Variants in AKR1C8 observed in about 807,000 individuals in gnomAD.
AKR1C8 encodes the protein aldo-keto reductase family 1 member C-like protein 1.
At chr10:5,158,840 C>A in the AKR1C8 span, 7 of 383,200 alleles carry the variant, frequency 1.8e-5, no homozygotes, top group Admixed American at 3.9e-5. Context: ...TGGCCCTTTT[C>A]CCCATGCACC....
chr10:5,168,031 A>T, the AKR1C8 span, among the ~76,000 whole-genome samples: 2 of 152,112 alleles, frequency 1.3e-5, no homozygotes, highest in Non-Finnish European at 2.9e-5. Context: ...GATTAAAAAA[A>T]AAGACTTATA....
the AKR1C8 span, among the ~76,000 whole-genome samples, chr10:5,173,527 A>G: frequency 6.6e-6 from 1 of 152,030 alleles, no homozygotes; most frequent in Non-Finnish European, 1.5e-5. Context: ...TCATCCAAGA[A>G]GAAACTAGAA....
At chr10:5,161,712 G>C in the AKR1C8 span, 1 of 534,154 alleles carries the variant, frequency 1.9e-6, no homozygotes, top group Non-Finnish European at 3.8e-6. Context: ...AGATACTCAC[G>C]AAAGTTTTGG....
At chr10:5,174,814 TAAATA>T in the AKR1C8 span, among the ~76,000 whole-genome samples, 16 of 151,944 alleles carry the variant, frequency 1.1e-4, no homozygotes, top group African/African-American at 1.9e-4. Context: ...AAGACTGTCT[TAAATA>T]AAATAAAATA....
chr10:5,173,620 G>T, the AKR1C8 span, among the ~76,000 whole-genome samples: 1 of 148,896 alleles, frequency 6.7e-6, no homozygotes, highest in Non-Finnish European at 1.5e-5. Context: ...CTAGAAAACC[G>T]AAAAGCCAGA....
chr10:5,159,158 G>A, the AKR1C8 span, among the ~76,000 whole-genome samples: 1 of 152,126 alleles, frequency 6.6e-6, no homozygotes, highest in South Asian at 2.1e-4. Context: ...TCAAAATATG[G>A]AAACTTGAGC....
the AKR1C8 span, among the ~76,000 whole-genome samples, chr10:5,146,313 A>G: frequency 2.0e-5 from 3 of 152,002 alleles, no homozygotes; most frequent in East Asian, 1.9e-4. Context: ...TAACCTGCAC[A>G]ATGTGCACAT....
chr10:5,184,852 C>G, the AKR1C8 span, among the ~76,000 whole-genome samples: 1 of 152,202 alleles, frequency 6.6e-6, no homozygotes, highest in African/African-American at 2.4e-5. Flanking sequence ...CAAAAAAGAT[C>G]TCTGTGACCT....
the AKR1C8 span, chr10:5,122,277 T>A: frequency 9.2e-6 from 2 of 218,150 alleles, no homozygotes; most frequent in Non-Finnish European, 1.9e-5. Context: ...GGGGAGGCAT[T>A]TCTATCCTCA....
chr10:5,138,710 C>A, the AKR1C8 span, among the ~76,000 whole-genome samples: 118 of 152,154 alleles, frequency 7.8e-4, no homozygotes, highest in Non-Finnish European at 1.5e-3. Flanking sequence ...TCCTCTGCCA[C>A]AGCTCCAGTC....
the AKR1C8 span, among the ~76,000 whole-genome samples, chr10:5,148,168 G>A: frequency 6.6e-6 from 1 of 152,230 alleles, no homozygotes; most frequent in South Asian, 2.1e-4. Flanking sequence ...CTGGCTGAAT[G>A]AGAAACTGAT....
chr10:5,170,669 A>C, the AKR1C8 span, among the ~76,000 whole-genome samples: 1 of 152,032 alleles, frequency 6.6e-6, no homozygotes. Flanking sequence ...CTGTACAGGG[A>C]CTCTGTAGAC....
chr10:5,123,531 A>C, the AKR1C8 span: 5 of 598,940 alleles, frequency 8.3e-6, no homozygotes, highest in Non-Finnish European at 1.5e-5. Flanking sequence ...ATTCTGCACC[A>C]GAGCGTCTCA....
chr10:5,174,939 G>A, the AKR1C8 span, among the ~76,000 whole-genome samples: 306 of 151,588 alleles, frequency 2.0e-3, 3 homozygotes, highest in African/African-American at 7.0e-3. Context: ...TTCATAAATC[G>A]AACATTGAAA....
chr10:5,162,731 A>C, the AKR1C8 span: 2 of 373,320 alleles, frequency 5.4e-6, no homozygotes, highest in Non-Finnish European at 1.1e-5. Flanking sequence ...TTCTGTTTCT[A>C]TAATATGCCT....
At chr10:5,149,728 C>T in the AKR1C8 span, among the ~76,000 whole-genome samples, 1 of 151,790 alleles carries the variant, frequency 6.6e-6, no homozygotes, top group East Asian at 1.9e-4. Flanking sequence ...TATGTCATTC[C>T]AGTTAAAGCT....
the AKR1C8 span, among the ~76,000 whole-genome samples, chr10:5,136,077 C>T: frequency 0.39 from 59,610 of 151,998 alleles, 12,505 homozygotes; most frequent in Non-Finnish European, 0.43. Context: ...GTATCTTTCA[C>T]ATAGTTTTAT....
the AKR1C8 span, among the ~76,000 whole-genome samples, chr10:5,173,975 A>G: frequency 6.6e-6 from 1 of 151,816 alleles, no homozygotes; most frequent in Non-Finnish European, 1.5e-5. Context: ...CTTTGGAAAT[A>G]AAAGAAAAAC....
the AKR1C8 span, chr10:5,155,796 G>A: frequency 2.2e-6 from 1 of 453,694 alleles, no homozygotes; most frequent in Admixed American, 2.5e-5. Flanking sequence ...CCCTCCCCAG[G>A]GCAGCAGCTT....
Sources: allele counts gnomAD v4.1 joint callset (sites outside exome capture counted in the v4.1 genomes callset), GRCh38; gene constraint gnomAD v4.1.1; transcripts MANE v1.5; gene names NCBI Gene and HGNC (gene_info 2026-07-23, HGNC 2026-07-21).